UBR3: variants seen among roughly 807,000 people sequenced by gnomAD.
The protein encoded by UBR3 is E3 ubiquitin-protein ligase UBR3.
A neutral mutation model predicts 243.2 loss-of-function variants in UBR3; 85 were observed. The ratio of observed to expected loss-of-function variants is 0.35; its 90% CI spans 0.29 to 0.42. The LOEUF is 0.42. UBR3 is among the 10% of genes least tolerant of loss of function. The pLI is 1.00. For synonymous variants in UBR3, 748 were observed against 799.8 expected, an observed-to-expected ratio of 0.94 and a Z score of 1.09; for missense variants, 1,686 against 2,300.8, an observed-to-expected ratio of 0.73 and a Z score of 5.47.
intron 30 of UBR3, among the ~76,000 whole-genome samples, chr2:170,017,532 C>CACACACACAG (rs2090274848): frequency 2.3e-5 from 1 of 43,480 alleles, no homozygotes; most frequent in African/African-American, 7.8e-5. Flanking sequence ...GACACACACA[C>CACACACACAG]ACACACACAC....
At position 169,924,014 on chromosome 2, in the gene UBR3, A is replaced by G; in HGVS notation, c.1932+20A>G. 6.5e-7 allele frequency: 1 copy of G among 1,530,116 alleles called. No individual in the cohort carries two copies. The highest frequency in any genetic ancestry group is 1.4e-5 in the African/African-American group (1 of 71,602). The allele number at this position is 1,530,116 out of a possible 1,614,324, so 94.8% of individuals were successfully genotyped here. A position where few individuals can be genotyped will look rare whatever the true frequency, so the allele number is the denominator to read the frequency against. On this transcript the variant is annotated intron_variant, in intron 12 of 38. Coordinates refer to ENST00000272793, the MANE Select transcript of UBR3 (RefSeq NM_172070.4). ...AGTAAGGTAAGACTGTCATTAAACA[A>G]TTCTGTTCTTTTTTTTTTAATTTTC...
chr2:169,879,832 T>C (rs2083754624), intron 5 of UBR3, among the ~76,000 whole-genome samples: 2 of 152,318 alleles, frequency 1.3e-5, no homozygotes, highest in Admixed American at 6.5e-5. Flanking sequence ...AAATAACTTC[T>C]GAGAATCATA....
At chr2:169,953,748 C>T (rs2087141344) in intron 23 of UBR3, among the ~76,000 whole-genome samples, 1 of 152,166 alleles carries the variant, frequency 6.6e-6, no homozygotes, top group African/African-American at 2.4e-5. Context: ...AAAGTACACT[C>T]TATGGACATA....
intron 5 of UBR3, among the ~76,000 whole-genome samples, chr2:169,890,755 CT>C (rs1046217108): frequency 6.8e-6 from 1 of 147,796 alleles, no homozygotes; most frequent in African/African-American, 2.5e-5. Flanking sequence ...CTCATTTTTT[CT>C]TAGACCCTTC....
At chr2:170,049,097 GT>G (rs1398006056) in intron 32 of UBR3, among the ~76,000 whole-genome samples, 2 of 152,106 alleles carry the variant, frequency 1.3e-5, no homozygotes, top group African/African-American at 4.8e-5. Flanking sequence ...CCACCATGCA[GT>G]TGAATCCACT....
chr2:170,049,960 TC>T lies in UBR3; in HGVS notation c.4661-5499del, dbSNP rs143639850. Among the ~76,000 whole-genome samples, 1,071 of 152,354 alleles carry T rather than the reference TC, an allele frequency of 7.0e-3. 8 individuals are homozygous for T. The highest frequency in any genetic ancestry group is 0.014 in the South Asian group (66 of 4,822). On this transcript the variant is annotated intron_variant, in intron 32 of 38. Transcript: ENST00000272793. ...TTAAAATTCAAGAAAGCTATTACTT[TC>T]ATTTGAATCTTTAACACTTATATTG...
At chr2:169,984,880 G>A (rs542398558) in intron 24 of UBR3, among the ~76,000 whole-genome samples, 1 of 152,038 alleles carries the variant, frequency 6.6e-6, no homozygotes, top group East Asian at 1.9e-4. Flanking sequence ...CATGCCATTG[G>A]TACTGTATCA....
At chr2:169,986,337 A>G (rs1416201936) in intron 24 of UBR3, among the ~76,000 whole-genome samples, 1 of 152,166 alleles carries the variant, frequency 6.6e-6, no homozygotes, top group African/African-American at 2.4e-5. Flanking sequence ...TTATTTTAAA[A>G]TATTTCTCTT....
chr2:169,929,200 A>G (rs563362232), intron 18 of UBR3, among the ~76,000 whole-genome samples: 1 of 152,214 alleles, frequency 6.6e-6, no homozygotes, highest in Non-Finnish European at 1.5e-5. Flanking sequence ...AATATTTTGA[A>G]TGTATTTACT....
At chr2:169,867,444 A>G (rs1333640335) in intron 1 of UBR3, among the ~76,000 whole-genome samples, 4 of 152,202 alleles carry the variant, frequency 2.6e-5, no homozygotes, top group African/African-American at 9.7e-5. Context: ...GATTAAATGC[A>G]TGCATTTTTA....
chr2:169,862,986 A>G (rs1484497119), intron 1 of UBR3, among the ~76,000 whole-genome samples: 1 of 152,190 alleles, frequency 6.6e-6, no homozygotes, highest in Non-Finnish European at 1.5e-5. Context: ...TGTGTGTAGT[A>G]AGTTGAGAAT....
At chr2:170,078,582 T>G (rs1405549458) in intron 36 of UBR3, among the ~76,000 whole-genome samples, 1 of 152,208 alleles carries the variant, frequency 6.6e-6, no homozygotes, top group Non-Finnish European at 1.5e-5. Flanking sequence ...ATTTCATGAA[T>G]TTCATAATTT....
chr2:169,834,624 TCTGTTATCTCC>T (rs1447922494), intron 1 of UBR3, among the ~76,000 whole-genome samples: 1 of 152,222 alleles, frequency 6.6e-6, no homozygotes, highest in Non-Finnish European at 1.5e-5. Context: ...TCCCATTTCA[TCTGTTATCTCC>T]CTGTCCCACT....
At chr2:169,907,299 A>G (rs1338814623) in intron 10 of UBR3, among the ~76,000 whole-genome samples, 1 of 152,054 alleles carries the variant, frequency 6.6e-6, no homozygotes, top group Non-Finnish European at 1.5e-5. Flanking sequence ...TTGTAGGTAC[A>G]TGAATTTTCT....
chr2:169,829,243 G>A (rs2081846580), intron 1 of UBR3, among the ~76,000 whole-genome samples: 1 of 152,056 alleles, frequency 6.6e-6, no homozygotes. Context: ...ATGAAACATT[G>A]ACCAACCCCT....
At chr2:169,838,387 TTGTGTG>T (rs544974959) in intron 1 of UBR3, among the ~76,000 whole-genome samples, 12,221 of 113,394 alleles carry the variant, frequency 0.11, 524 homozygotes, top group Middle Eastern at 0.15. Context: ...ATTAAGGCAT[TTGTGTG>T]TGTGTGTGTG....
intron 35 of UBR3, among the ~76,000 whole-genome samples, chr2:170,066,833 G>A (rs568578218): frequency 5.3e-5 from 8 of 152,036 alleles, no homozygotes; most frequent in African/African-American, 1.7e-4. Context: ...GCATGGTGGC[G>A]GGTGCCTGTA....
rs979834992 is a variant in UBR3, at chr2:169,895,402, A to G, written c.1236+91A>G. On this transcript the variant is annotated intron_variant, in intron 7 of 38. Transcript: ENST00000272793. ...TTTTTTTGATATATTTCTCAGGTGA[A>G]GGTTGATATAACACTATAAACAAGT... 120 of 1,353,700 alleles carry G rather than the reference A, an allele frequency of 8.9e-5. 2 individuals are homozygous for G. The South Asian group carries it at 1.6e-3, about 18-fold the overall frequency. The allele number at this position is 1,353,700 out of a possible 1,614,324, so 83.9% of individuals were successfully genotyped here.
chr2:169,917,922 C>T (rs537664886), intron 11 of UBR3, among the ~76,000 whole-genome samples: 4 of 152,214 alleles, frequency 2.6e-5, no homozygotes, highest in South Asian at 2.1e-4. Flanking sequence ...AGGCTGGTCT[C>T]GAACTTTTGA....
Sources: gnomAD v4.1 joint callset for allele counts (sites outside exome capture counted in the v4.1 genomes callset) on GRCh38, gnomAD v4.1.1 for gene constraint, MANE v1.5 for transcripts, NCBI Gene and HGNC (gene_info 2026-07-23, HGNC 2026-07-21) for gene names.